The following VLDLR variants were observed in gnomAD, a reference collection of about 807,000 sequenced individuals.
The protein encoded by VLDLR is very low-density lipoprotein receptor.
A neutral mutation model predicts 112.7 loss-of-function variants in VLDLR; 81 were observed. The observed-to-expected ratio is 0.72, with a 90% CI of 0.60 to 0.86. The LOEUF (loss-of-function observed/expected upper bound fraction) is 0.86, where lower values mean the gene tolerates loss of function less well. VLDLR is among the 40% of genes least tolerant of loss of function. The pLI, the probability that VLDLR is intolerant of heterozygous loss-of-function variation, is 0.00. For synonymous variants in VLDLR, 436 were observed against 384.8 expected (o/e 1.13, Z -1.56); for missense variants, 1,237 against 1,099.4 (o/e 1.13, Z -1.77).
At position 2,656,850 on chromosome 9, in the gene VLDLR, TC is replaced by T. The variant is rs2130819459; in HGVS notation, c.*2985del. 6.8e-6 allele frequency: 1 copy of T among 147,322 alleles called. No homozygotes were observed. The highest frequency in any genetic ancestry group is 2.1e-4 in the South Asian group (1 of 4,688). 9.1% of individuals were successfully genotyped at this position (147,322 alleles called of 1,614,324 possible). A position where few individuals can be genotyped will look rare whatever the true frequency, so the allele number is the denominator to read the frequency against. Reference sequence around the variant, plus strand: ...GCTAATCTATTTGGCAAAAAAATAGTCCCAGTTGTTCAACTAGCTCCCTTAA... The same window carrying T: ...GCTAATCTATTTGGCAAAAAAATAGTCCAGTTGTTCAACTAGCTCCCTTAA... On this transcript the variant is annotated 3_prime_UTR_variant, in exon 19 of 19. Coordinates refer to ENST00000382100, the MANE Select transcript of VLDLR (RefSeq NM_003383.5).
chr9:2,634,856 T>A lies in VLDLR; in HGVS notation c.83-597T>A, dbSNP rs1056264168. Among the ~76,000 whole-genome samples, 3 of 152,338 alleles carry A rather than the reference T, an allele frequency of 2.0e-5. No homozygotes were observed. The East Asian group carries it at 5.8e-4, about 29-fold the overall frequency. On this transcript the variant is annotated intron_variant, in intron 1 of 18. Transcript: ENST00000382100. ...CTATTCTTGCTGCTCCTTCTAAATC[T>A]TCTTCACTGTGCTTGTAATAGAAAC...
rs1818658741 is a variant in VLDLR at position 2,657,809 on chromosome 9, T to A, written c.*3941T>A. On this transcript the variant is annotated 3_prime_UTR_variant, in exon 19 of 19. Transcript: ENST00000382100. Reference sequence around the variant, plus strand: ...CTCTTAAAGAAAAGGTTTTTAGGTATTTTTGGTATTATATAGTCTCTAAGG... The same window carrying A: ...CTCTTAAAGAAAAGGTTTTTAGGTAATTTTGGTATTATATAGTCTCTAAGG... 6.6e-6 allele frequency: 1 copy of A among 152,234 alleles called. No individual in the cohort carries two copies. Among genetic ancestry groups the A allele is most frequent in the Non-Finnish European group, 1.5e-5 (1 of 68,054 alleles). The allele number at this position is 152,234 out of a possible 1,614,324, so 9.4% of individuals were successfully genotyped here. A position where few individuals can be genotyped will look rare whatever the true frequency, so the allele number is the denominator to read the frequency against.
At chr9:2,622,333 G>C in intron 1 of VLDLR, 62 bp downstream of exon 1, 1 of 1,368,010 alleles carries the variant, frequency 7.3e-7, no homozygotes, top group Non-Finnish European at 9.5e-7. Flanking sequence ...GGGAGACCCC[G>C]AGGCGTAGGT....
In VLDLR at chr9:2,657,916, T is replaced by C. The variant is rs1284270322; in HGVS notation, c.*4048T>C. 6.6e-6 allele frequency: 1 copy of C among 152,206 alleles called. No individual in the cohort carries two copies. The highest frequency in any genetic ancestry group is 1.5e-5 in the Non-Finnish European group (1 of 68,036). The allele number at this position is 152,206 out of a possible 1,614,324, so 9.4% of individuals were successfully genotyped here. A position where few individuals can be genotyped will look rare whatever the true frequency, so the allele number is the denominator to read the frequency against. ...GAGTAAATATCCTAACAAGTATGATTTTTCTTGGGAAAACTAAAAATTGTA... is the reference window on the plus strand; with the variant it reads ...GAGTAAATATCCTAACAAGTATGATCTTTCTTGGGAAAACTAAAAATTGTA... On this transcript the variant is annotated 3_prime_UTR_variant, in exon 19 of 19. Coordinates refer to ENST00000382100, the MANE Select transcript of VLDLR (RefSeq NM_003383.5).
chr9:2,641,632 A>C, intron 4 of VLDLR, 133 bp downstream of exon 4: 1 of 1,335,142 alleles, frequency 7.5e-7, no homozygotes, highest in South Asian at 1.2e-5. Flanking sequence ...TATCTGCTCA[A>C]TTACTTGTCC....
chr9:2,634,527 T>C (rs1817513760), intron 1 of VLDLR, among the ~76,000 whole-genome samples: 1 of 152,228 alleles, frequency 6.6e-6, no homozygotes, highest in South Asian at 2.1e-4. Context: ...CACCTGAACA[T>C]TAGCTGGCCT....
At chr9:2,638,335 C>T (rs1262508368) in intron 2 of VLDLR, among the ~76,000 whole-genome samples, 2 of 152,124 alleles carry the variant, frequency 1.3e-5, no homozygotes, top group South Asian at 2.1e-4. Context: ...TTACTCTCAA[C>T]CAGAGTGGTC....
At chr9:2,639,805 C>A in intron 2 of VLDLR, 54 bp from the exon 3 acceptor site, 1 of 1,613,518 alleles carries the variant, frequency 6.2e-7, no homozygotes. Context: ...TCATGTGAAG[C>A]TAGGGCTGTG....
chr9:2,635,022 G>T (rs1178125650), intron 1 of VLDLR, among the ~76,000 whole-genome samples: 1 of 152,088 alleles, frequency 6.6e-6, no homozygotes, highest in African/African-American at 2.4e-5. Context: ...TGTGGTCTCT[G>T]GGCAATCTGG....
intron 1 of VLDLR, among the ~76,000 whole-genome samples, chr9:2,632,882 A>G (rs1012829974): frequency 2.6e-5 from 4 of 152,196 alleles, no homozygotes; most frequent in Non-Finnish European, 5.9e-5. Context: ...GCATAGCCAT[A>G]AAGCTTAAGG....
rs1167118237 is a variant in VLDLR, at chr9:2,659,270, G to C, written c.*5402G>C. ...TTCTCTTAGAAGGGGATGCAGTACTGTACAAAGATTGAGCTGGATGTCGCA... is the reference window on the plus strand; with the variant it reads ...TTCTCTTAGAAGGGGATGCAGTACTCTACAAAGATTGAGCTGGATGTCGCA... On this transcript the variant is annotated 3_prime_UTR_variant, in exon 19 of 19. Coordinates refer to ENST00000382100, the MANE Select transcript of VLDLR (RefSeq NM_003383.5). 2 of 152,214 alleles carry C rather than the reference G, an allele frequency of 1.3e-5. No homozygotes were observed. Among genetic ancestry groups the C allele is most frequent in the Non-Finnish European group, 2.9e-5 (2 of 68,048 alleles). 9.4% of individuals were successfully genotyped at this position (152,214 alleles called of 1,614,324 possible). A position where few individuals can be genotyped will look rare whatever the true frequency, so the allele number is the denominator to read the frequency against.
At chr9:2,634,862 A>C (rs1817530917) in intron 1 of VLDLR, among the ~76,000 whole-genome samples, 1 of 152,126 alleles carries the variant, frequency 6.6e-6, no homozygotes, top group Non-Finnish European at 1.5e-5. Flanking sequence ...AATCTTCTTC[A>C]CTGTGCTTGT....
chr9:2,622,365 C>T (rs924766590), intron 1 of VLDLR, 94 bp downstream of exon 1: 4 of 1,146,410 alleles, frequency 3.5e-6, no homozygotes, highest in Non-Finnish European at 4.6e-6. Flanking sequence ...CACCCGCCTC[C>T]TAGGAGGCGC....
At position 2,647,546 on chromosome 9, in the gene VLDLR, T is replaced by A. The variant is rs752709518; in HGVS notation, c.1776T>A (p.Arg592=). ...CAGGAATGAATGGATTCGATAGACG[T>A]CCACTGGTGACAGCGGATATCCAGT... ...EKAGMNGFDR[R]PLVTADIQWP... The change falls in exon 12 of 19, where the codon CGT becomes CGA. Residue 592 remains arginine (R), a synonymous_variant. Coordinates refer to ENST00000382100, the MANE Select transcript of VLDLR (RefSeq NM_003383.5). 28 of 1,614,072 alleles carry A rather than the reference T, an allele frequency of 1.7e-5. No individual in the cohort carries two copies. In the South Asian group the frequency reaches 3.0e-4, roughly 17 times the overall value.
At chr9:2,622,985 C>T (rs982230436) in intron 1 of VLDLR, among the ~76,000 whole-genome samples, 1 of 152,210 alleles carries the variant, frequency 6.6e-6, no homozygotes, top group Non-Finnish European at 1.5e-5. Flanking sequence ...GGAAACCGCT[C>T]GGGTCTCCCG....
rs1818370631 is a variant in VLDLR, at chr9:2,651,956, T to C, written c.2416+2T>C. 6.2e-7 allele frequency: 1 copy of C among 1,613,878 alleles called. No homozygotes were observed. Among genetic ancestry groups the C allele is most frequent in the Non-Finnish European group, 8.5e-7 (1 of 1,179,896 alleles). ...CCGCATGGGCCATTCTTCCTCTCTG[T>C]AAGTAGATTTCCTACAAGTCTGGGT... On this transcript the variant is annotated splice_donor_variant, in intron 17 of 18. Transcript: ENST00000382100. LOFTEE classifies it high-confidence loss of function.
At chr9:2,650,624 T>C (rs945633167) in intron 15 of VLDLR, 108 bp downstream of exon 15, 1 of 1,457,902 alleles carries the variant, frequency 6.9e-7, no homozygotes, top group Non-Finnish European at 9.4e-7. Context: ...TTTGAATAGA[T>C]TTGAGAAGAT....
At chr9:2,640,566 A>G (rs1165000736) in intron 3 of VLDLR, among the ~76,000 whole-genome samples, 1 of 152,212 alleles carries the variant, frequency 6.6e-6, no homozygotes, top group East Asian at 1.9e-4. Context: ...ATGAGACCAT[A>G]AAGAATGATG....
At chr9:2,638,531 T>G (rs912908174) in intron 2 of VLDLR, among the ~76,000 whole-genome samples, 3 of 151,008 alleles carry the variant, frequency 2.0e-5, no homozygotes, top group African/African-American at 7.4e-5. Context: ...CAAGAAAGAA[T>G]ATAATCTAAG....
Sources: allele counts gnomAD v4.1 joint callset (sites outside exome capture counted in the v4.1 genomes callset), GRCh38; gene constraint gnomAD v4.1.1; transcripts MANE v1.5; gene names NCBI Gene and HGNC (gene_info 2026-07-23, HGNC 2026-07-21).